KCNH7: variants seen among roughly 807,000 people sequenced by gnomAD.
KCNH7 encodes voltage-gated inwardly rectifying potassium channel KCNH7.
A neutral mutation model predicts 120.8 loss-of-function variants in KCNH7; 49 were observed. That is an observed-to-expected ratio of 0.41 (90% CI 0.32 to 0.51). KCNH7 has a LOEUF of 0.51. KCNH7 is among the 20% of genes least tolerant of loss of function. KCNH7 has a pLI of 0.38. For synonymous variants in KCNH7, 547 were observed against 516.1 expected (o/e 1.06, Z -0.81); for missense variants, 1,097 against 1,446.6 (o/e 0.76, Z 3.92).
rs756211040 is a variant in KCNH7 at position 162,435,421 on chromosome 2, T to C, written c.1731A>G (p.Glu577=). ...ACIWYAIGNV[E]RPYLTDKIGW... ...CGATTTTGTCAGTCAGGTAAGGCCT[T>C]TCTACATTCCCAATCGCATACCAAA... Residue 577 remains glutamate, a synonymous_variant, in exon 8 of 16, where the codon GAA becomes GAG. Transcript: ENST00000332142. The C allele has an allele frequency of 1.3e-5, 21 of 1,613,856 alleles. 1 individual carries two copies. The South Asian group carries it at 2.2e-4, about 17-fold the overall frequency.
At chr2:162,629,759 CAAA>C (rs902730352) in intron 2 of KCNH7, among the ~76,000 whole-genome samples, 1 of 152,038 alleles carries the variant, frequency 6.6e-6, no homozygotes, top group Non-Finnish European at 1.5e-5. Context: ...CAGAAATGAG[CAAA>C]TGCTATAGAT....
intron 2 of KCNH7, among the ~76,000 whole-genome samples, chr2:162,660,258 C>T (rs576441395): frequency 1.3e-5 from 2 of 152,234 alleles, no homozygotes; most frequent in Non-Finnish European, 2.9e-5. Flanking sequence ...TATAAGCATT[C>T]AATGCTACAC....
At chr2:162,633,555 A>C (rs1683839733) in intron 2 of KCNH7, among the ~76,000 whole-genome samples, 1 of 151,902 alleles carries the variant, frequency 6.6e-6, no homozygotes, top group South Asian at 2.1e-4. Flanking sequence ...ATCAGATAAT[A>C]TTTTCATCTT....
rs528706836 is a variant in KCNH7 at position 162,670,154 on chromosome 2, A to C, written c.308-133074T>G. ...ACTCCCAAAAGAATGTTTGAAATGC[A>C]AATGCAAGAAGGGATTATTAGAAAA... On this transcript the variant is annotated intron_variant, in intron 2 of 15. Coordinates refer to ENST00000332142, the MANE Select transcript of KCNH7 (RefSeq NM_033272.4). Among the ~76,000 whole-genome samples the C allele has an allele frequency of 5.9e-5, 9 of 151,630 alleles. No individual in the cohort carries two copies. The South Asian group carries it at 1.9e-3, about 32-fold the overall frequency.
chr2:162,613,722 A>G (rs2105976295), intron 2 of KCNH7, among the ~76,000 whole-genome samples: 1 of 152,164 alleles, frequency 6.6e-6, no homozygotes, highest in South Asian at 2.1e-4. Flanking sequence ...ATAATCCGAG[A>G]CAATCATGGA....
At chr2:162,785,478 T>A (rs1187503153) in intron 2 of KCNH7, among the ~76,000 whole-genome samples, 1 of 152,188 alleles carries the variant, frequency 6.6e-6, no homozygotes, top group Non-Finnish European at 1.5e-5. Context: ...ACATCGGAAG[T>A]TTTACAACAT....
intron 2 of KCNH7, among the ~76,000 whole-genome samples, chr2:162,814,240 C>A (rs75430683): frequency 6.6e-6 from 1 of 152,164 alleles, no homozygotes; most frequent in East Asian, 1.9e-4. Flanking sequence ...CTACTCTGGG[C>A]CAGAATCCAT....
intron 6 of KCNH7, among the ~76,000 whole-genome samples, chr2:162,489,165 AAC>A (rs1454011307): frequency 2.0e-5 from 3 of 152,218 alleles, no homozygotes; most frequent in African/African-American, 7.2e-5. Context: ...CCTTTCAAGA[AAC>A]ACACACTCTT....
At chr2:162,692,691 A>T (rs1283930371) in intron 2 of KCNH7, among the ~76,000 whole-genome samples, 1 of 152,182 alleles carries the variant, frequency 6.6e-6, no homozygotes, top group Admixed American at 6.5e-5. Flanking sequence ...ACTTTAGGTG[A>T]GCTGATAAGG....
intron 9 of KCNH7, among the ~76,000 whole-genome samples, chr2:162,416,527 T>A: frequency 6.6e-6 from 1 of 152,112 alleles, no homozygotes; most frequent in Non-Finnish European, 1.5e-5. Context: ...GAGATGCACC[T>A]CTATGATCCA....
chr2:162,736,053 T>C (rs961276266), intron 2 of KCNH7, among the ~76,000 whole-genome samples: 1 of 152,122 alleles, frequency 6.6e-6, no homozygotes, highest in Non-Finnish European at 1.5e-5. Context: ...TGATGAATAA[T>C]AATACATATA....
chr2:162,620,598 A>G (rs1683318586), intron 2 of KCNH7, among the ~76,000 whole-genome samples: 1 of 152,122 alleles, frequency 6.6e-6, no homozygotes, highest in Non-Finnish European at 1.5e-5. Flanking sequence ...ACTTAGATCT[A>G]CATAGTTTTG....
At chr2:162,517,114 A>G (rs1574053734) in intron 4 of KCNH7, among the ~76,000 whole-genome samples, 2 of 151,858 alleles carry the variant, frequency 1.3e-5, no homozygotes, top group Non-Finnish European at 2.9e-5. Flanking sequence ...ACTACTGGCT[A>G]ATGTAAGAAT....
intron 2 of KCNH7, among the ~76,000 whole-genome samples, chr2:162,580,703 G>A (rs1693837517): frequency 6.6e-6 from 1 of 152,012 alleles, no homozygotes; most frequent in African/African-American, 2.4e-5. Context: ...GAGAAGAACA[G>A]ATCAAACAAT....
chr2:162,735,068 A>G (rs75905883), intron 2 of KCNH7, among the ~76,000 whole-genome samples: 1,928 of 152,284 alleles, frequency 0.013, 39 homozygotes, highest in African/African-American at 0.043. Flanking sequence ...AGGATGTGAA[A>G]AAGTAAGCAA....
intron 2 of KCNH7, among the ~76,000 whole-genome samples, chr2:162,810,066 C>G (rs1684685362): frequency 1.3e-5 from 1 of 74,786 alleles, no homozygotes; most frequent in East Asian, 3.5e-4. Flanking sequence ...CAGGCGCCCG[C>G]CACCACGCCC....
chr2:162,635,582 T>C (rs1683926587), intron 2 of KCNH7, among the ~76,000 whole-genome samples: 1 of 152,098 alleles, frequency 6.6e-6, no homozygotes, highest in Admixed American at 6.6e-5. Context: ...ATTGCTGCCA[T>C]GCACATATCT....
chr2:162,824,082 C>T (rs566091949), intron 2 of KCNH7, among the ~76,000 whole-genome samples: 39 of 152,012 alleles, frequency 2.6e-4, no homozygotes, highest in Admixed American at 1.0e-3. Flanking sequence ...AGGCTGTAAT[C>T]GGCATTCTTG....
chr2:162,617,297 A>G (rs531046332), intron 2 of KCNH7, among the ~76,000 whole-genome samples: 16 of 152,032 alleles, frequency 1.1e-4, no homozygotes, highest in Admixed American at 4.6e-4. Context: ...GACTAACACG[A>G]TGAAACCCCG....
Sources: allele counts gnomAD v4.1 joint callset (sites outside exome capture counted in the v4.1 genomes callset), GRCh38; gene constraint gnomAD v4.1.1; transcripts MANE v1.5; gene names NCBI Gene and HGNC (gene_info 2026-07-23, HGNC 2026-07-21).